Variants in CASS4 observed in about 807,000 individuals in gnomAD.
CASS4 encodes cas scaffolding protein family member 4.
CASS4 carries 22 observed loss-of-function variants against 54.2 expected under a neutral mutation model. The observed-to-expected ratio is 0.41, with a 90% CI of 0.29 to 0.58. CASS4 has a LOEUF of 0.58. Ranked by LOEUF, CASS4 falls within the 20% of genes least tolerant of loss-of-function variation. The pLI, the probability that CASS4 is intolerant of heterozygous loss-of-function variation, is 0.36. For missense variants in CASS4, 854 were observed against 986.7 expected, an observed-to-expected ratio of 0.87 and a Z score of 1.80; for synonymous variants, 409 against 391.5, an observed-to-expected ratio of 1.04 and a Z score of -0.53.
intron 1 of CASS4, among the ~76,000 whole-genome samples, chr20:56,415,739 C>T (rs763457063): frequency 1.3e-5 from 2 of 152,308 alleles, no homozygotes; most frequent in South Asian, 2.1e-4. Context: ...CCCTGAAGTT[C>T]GCCTTTGTAC....
Position 56,437,249 on chromosome 20 carries a change from T to C in CASS4, c.122T>C (p.Leu41Pro). Residue 41 changes from leucine to proline, a missense_variant, in exon 2 of 6, where the codon CTG becomes CCG. Leu to Pro is a moderately conservative substitution (Grantham distance 98, BLOSUM62 -3). Coordinates refer to ENST00000679887, the MANE Select transcript of CASS4 (RefSeq NM_020356.4). The surrounding 1 kb of genome is among the most constrained non-coding windows in gnomAD (Gnocchi z 4.7). The part of the protein sequence containing the change: ...AFSRGDILTI[L>P]EQHVPESEGW... The stretch of plus-strand genomic sequence containing the variant: ...AGCAGAGGGGACATCCTGACCATTC[T>C]GGAGCAACACGTGCCAGAAAGCGAG... 6.2e-7 allele frequency: 1 copy of C among 1,613,580 alleles called. No homozygotes were observed. Among genetic ancestry groups the C allele is most frequent in the Non-Finnish European group, 8.5e-7 (1 of 1,179,698 alleles).
At chr20:56,418,966 A>G (rs1979279476) in intron 1 of CASS4, among the ~76,000 whole-genome samples, 1 of 152,188 alleles carries the variant, frequency 6.6e-6, no homozygotes, top group Non-Finnish European at 1.5e-5. Context: ...AATCACCTGT[A>G]GTCTTTGAAC....
At chr20:56,428,914 A>C (rs1248984982) in intron 1 of CASS4, among the ~76,000 whole-genome samples, 2 of 142,886 alleles carry the variant, frequency 1.4e-5, no homozygotes, top group East Asian at 2.3e-4. Context: ...CAATCAGTGT[A>C]CCCCCCGACC....
At chr20:56,431,141 T>C (rs1979884761) in intron 1 of CASS4, among the ~76,000 whole-genome samples, 1 of 152,200 alleles carries the variant, frequency 6.6e-6, no homozygotes, top group South Asian at 2.1e-4. Context: ...TCATTTGATC[T>C]CTCTGACCCT....
chr20:56,453,970 C>T (rs1258306149), intron 5 of CASS4: 2 of 152,266 alleles, frequency 1.3e-5, no homozygotes, highest in African/African-American at 4.8e-5. Context: ...CACTTGAAGT[C>T]AGGAGTTTGA....
At chr20:56,429,439 CT>C (rs1979800759) in intron 1 of CASS4, among the ~76,000 whole-genome samples, 1 of 152,166 alleles carries the variant, frequency 6.6e-6, no homozygotes, top group Non-Finnish European at 1.5e-5. Flanking sequence ...AGACAATTGA[CT>C]TTGAATCGCC....
chr20:56,424,740 C>CA (rs759106984), intron 1 of CASS4, among the ~76,000 whole-genome samples: 9,811 of 71,318 alleles, frequency 0.14, 1,360 homozygotes, highest in African/African-American at 0.34. Context: ...GACTCTGTCT[C>CA]AAAAAAAAAA....
rs531655524 is a variant in CASS4 at position 56,450,048 on chromosome 20, T to G, written c.562-551T>G. 1.5e-4 allele frequency among the ~76,000 whole-genome samples: 23 copies of G among 152,122 alleles called. No individual in the cohort carries two copies. In the East Asian group the frequency reaches 4.2e-3, roughly 28 times the overall value. ...TGAGAGGTCTTTTTTTTTTTTTCTT[T>G]GAGATGGAGTTTCGCTCCCGTTGCC... On this transcript the variant is annotated intron_variant, in intron 3 of 5. Coordinates refer to ENST00000679887, the MANE Select transcript of CASS4 (RefSeq NM_020356.4).
chr20:56,438,962 A>G (rs1279239512), intron 2 of CASS4, among the ~76,000 whole-genome samples: 1 of 152,264 alleles, frequency 6.6e-6, no homozygotes, highest in Non-Finnish European at 1.5e-5. Flanking sequence ...TGCTCCAGGC[A>G]TAGTTACCCC....
rs1980697644 is a variant in CASS4 at position 56,446,058 on chromosome 20, T to C, written c.561+57T>C. The C allele has an allele frequency of 2.5e-6, 3 of 1,195,784 alleles. No homozygotes were observed. In the African/African-American group the frequency reaches 4.5e-5, roughly 18 times the overall value. 74.1% of individuals were successfully genotyped at this position (1,195,784 alleles called of 1,614,324 possible). ...AGACCTCTGCGCCCAGAGTCTGGGG[T>C]TCTTGGGATCATGCCCACATTGCAT... On this transcript the variant is annotated intron_variant, in intron 3 of 5. Transcript: ENST00000679887.
rs537122748 is a variant in CASS4, at chr20:56,460,072, G to A, written c.*1325G>A. 2 of 152,480 alleles carry A rather than the reference G, an allele frequency of 1.3e-5. No individual in the cohort carries two copies. Among genetic ancestry groups the A allele is most frequent in the African/African-American group, 4.8e-5 (2 of 41,478 alleles). 9.4% of individuals were successfully genotyped at this position (152,480 alleles called of 1,614,324 possible). The stretch of plus-strand genomic sequence containing the variant: ...GAATTGAATTAGTTCTGTGAGATTG[G>A]TACAAATTATGTATGTGTCTTGCAC... On this transcript the variant is annotated 3_prime_UTR_variant, in exon 6 of 6. Coordinates refer to ENST00000679887, the MANE Select transcript of CASS4 (RefSeq NM_020356.4).
chr20:56,449,958 A>G (rs1980913805), intron 3 of CASS4, among the ~76,000 whole-genome samples: 1 of 152,120 alleles, frequency 6.6e-6, no homozygotes, highest in African/African-American at 2.4e-5. Flanking sequence ...AACTCAAGAT[A>G]AATTACCATT....
chr20:56,447,724 C>T (rs1207873233), intron 3 of CASS4, among the ~76,000 whole-genome samples: 1 of 152,240 alleles, frequency 6.6e-6, no homozygotes, highest in Non-Finnish European at 1.5e-5. Context: ...CGTGACATTC[C>T]CTGAGCCATT....
intron 1 of CASS4, among the ~76,000 whole-genome samples, chr20:56,423,194 T>G (rs1444680208): frequency 6.6e-6 from 1 of 152,240 alleles, no homozygotes; most frequent in Non-Finnish European, 1.5e-5. Flanking sequence ...CTGCTGGTGT[T>G]TTCCAGGATA....
intron 1 of CASS4, among the ~76,000 whole-genome samples, chr20:56,429,604 C>G (rs553141668): frequency 1.3e-5 from 2 of 152,202 alleles, no homozygotes; most frequent in South Asian, 4.1e-4. Context: ...CATGCGCCCC[C>G]AACACATACA....
intron 3 of CASS4, among the ~76,000 whole-genome samples, chr20:56,446,675 C>T (rs1426453074): frequency 6.6e-6 from 1 of 152,156 alleles, no homozygotes; most frequent in Non-Finnish European, 1.5e-5. Flanking sequence ...CACCCACCTA[C>T]CATTGGGATC....
chr20:56,419,587 C>T (rs772592830), intron 1 of CASS4, among the ~76,000 whole-genome samples: 7 of 152,230 alleles, frequency 4.6e-5, no homozygotes, highest in East Asian at 3.9e-4. Context: ...CCACTGTGCC[C>T]GGCTAATTTT....
At chr20:56,439,994 C>T (rs778018372) in intron 2 of CASS4, among the ~76,000 whole-genome samples, 14 of 152,246 alleles carry the variant, frequency 9.2e-5, no homozygotes, top group Non-Finnish European at 1.8e-4. Context: ...TGCTACTCAC[C>T]ATTCAGGCCT....
chr20:56,452,983 A>C lies in CASS4; in HGVS notation c.1807A>C (p.Asn603His), dbSNP rs1158511706. 9 of 1,613,964 alleles carry C rather than the reference A, an allele frequency of 5.6e-6. No homozygotes were observed. The highest frequency in any genetic ancestry group is 7.6e-6 in the Non-Finnish European group (9 of 1,180,034). ...EKEETVQLTP[N>H]AEFKCEKYIQ... ...GGAAGAGACTGTGCAGTTGACCCCA[A>C]ATGCAGAATTTAAGTGTGAAAAATA... Residue 603 changes from asparagine to histidine, a missense_variant, in exon 5 of 6, where the codon AAT becomes CAT. Physicochemically the swap from Asn to His is moderately conservative, Grantham distance 68. Coordinates refer to ENST00000679887, the MANE Select transcript of CASS4 (RefSeq NM_020356.4).
Sources: allele counts gnomAD v4.1 joint callset (sites outside exome capture counted in the v4.1 genomes callset), GRCh38; gene constraint gnomAD v4.1.1; non-coding constraint Gnocchi (gnomAD v3.1); transcripts MANE v1.5; gene names NCBI Gene and HGNC (gene_info 2026-07-23, HGNC 2026-07-21).